The following ZBTB20 variants were observed in gnomAD, a reference collection of about 807,000 sequenced individuals.
ZBTB20 encodes the protein zinc finger and BTB domain containing 20.
In ZBTB20, 9 loss-of-function variants were observed where a neutral mutation model predicts 56.9. That is an observed-to-expected ratio of 0.16 (90% CI 0.10 to 0.28). The LOEUF (loss-of-function observed/expected upper bound fraction) is 0.28. Ranked by LOEUF, ZBTB20 falls within the 10% of genes least tolerant of loss-of-function variation. The pLI is 1.00. For synonymous variants in ZBTB20, 417 were observed against 420.7 expected (o/e 0.99, Z 0.11); for missense variants, 655 against 1,003.0 (o/e 0.65, Z 4.69).
intron 6 of ZBTB20, among the ~76,000 whole-genome samples, chr3:114,640,490 T>C (rs2059502272): frequency 6.6e-6 from 1 of 152,086 alleles, no homozygotes. Context: ...TGCTGGACTT[T>C]TTCATTCAAA....
intron 4 of ZBTB20, among the ~76,000 whole-genome samples, chr3:114,868,372 T>A (rs1369437359): frequency 1.3e-5 from 2 of 152,196 alleles, no homozygotes; most frequent in East Asian, 3.8e-4. Flanking sequence ...ACTCTTAGTC[T>A]GCCTTCATGT....
rs1179211153 is a variant in ZBTB20, at chr3:115,008,932, A to G, written c.-506-34516T>C. Among the ~76,000 whole-genome samples, 7 of 152,048 alleles carry G rather than the reference A, an allele frequency of 4.6e-5. 1 individual carries two copies. In the South Asian group the frequency reaches 1.0e-3, roughly 22 times the overall value. ...CTCCCACCAATCCTGTATATTTCCT[A>G]TATGCTCACAAACCATGAATATTAT... On this transcript the variant is annotated intron_variant, in intron 2 of 11. Coordinates refer to ENST00000675478, the MANE Select transcript of ZBTB20 (RefSeq NM_001348800.3).
rs1454995543 is a variant in ZBTB20, at chr3:114,747,669, A to G, written c.-343+53432T>C. On this transcript the variant is annotated intron_variant, in intron 5 of 11. Transcript: ENST00000675478. ...CGCGGTGGCTCACGCCTGTAATCCC[A>G]GCACTTTGGGAGGCCGAGGCGGGCG... Among the ~76,000 whole-genome samples, 18 of 2,236 alleles carry G rather than the reference A, an allele frequency of 8.1e-3. 6 individuals are homozygous for G. The highest frequency in any genetic ancestry group is 8.2e-3 in the African/African-American group (18 of 2,200). 1.5% of individuals were successfully genotyped at this position (2,236 alleles called of 152,430 possible).
At chr3:114,884,414 T>C (rs879438364) in intron 4 of ZBTB20, among the ~76,000 whole-genome samples, 1 of 152,206 alleles carries the variant, frequency 6.6e-6, no homozygotes, top group African/African-American at 2.4e-5. Flanking sequence ...GACGGCCTAC[T>C]TCCTTGTGCA....
At chr3:114,692,419 A>C (rs1005609620) in intron 6 of ZBTB20, among the ~76,000 whole-genome samples, 1 of 152,174 alleles carries the variant, frequency 6.6e-6, no homozygotes, top group African/African-American at 2.4e-5. Flanking sequence ...ATTATGCACA[A>C]TGGATATGGA....
In ZBTB20 at chr3:114,929,108, A is replaced by G. The variant is rs2076262539; in HGVS notation, c.-455-28766T>C. Among the ~76,000 whole-genome samples the G allele has an allele frequency of 2.6e-5, 4 of 152,236 alleles. No homozygotes were observed. In the South Asian group the frequency reaches 8.3e-4, roughly 32 times the overall value. ...TGCATTGCAGGAAGAGGTAAGTACT[A>G]TGATAGAGGGACACAGAAAGTCCTG... is the stretch of plus-strand genomic sequence containing the variant. On this transcript the variant is annotated intron_variant, in intron 3 of 11. Transcript: ENST00000675478.
intron 2 of ZBTB20, among the ~76,000 whole-genome samples, chr3:115,056,647 C>G (rs1414656919): frequency 6.6e-6 from 1 of 152,090 alleles, no homozygotes; most frequent in Non-Finnish European, 1.5e-5. Flanking sequence ...CCGAACTATA[C>G]TAATGATTGC....
rs549682952 is a variant in ZBTB20, at chr3:115,074,649, A to G, written c.-702-3235T>C. Among the ~76,000 whole-genome samples, 20 of 152,312 alleles carry G rather than the reference A, an allele frequency of 1.3e-4. No individual in the cohort carries two copies. The South Asian group carries it at 1.9e-3, about 14-fold the overall frequency. Reference sequence around the variant, plus strand: ...AATATTTGCTTGCAGACATTGCACAACAGGCACAGCACAGCAATTGCTGAG... The same window carrying G: ...AATATTTGCTTGCAGACATTGCACAGCAGGCACAGCACAGCAATTGCTGAG... On this transcript the variant is annotated intron_variant, in intron 1 of 11. Coordinates refer to ENST00000675478, the MANE Select transcript of ZBTB20 (RefSeq NM_001348800.3).
chr3:115,006,486 T>C (rs1237122962), intron 2 of ZBTB20, among the ~76,000 whole-genome samples: 1 of 151,092 alleles, frequency 6.6e-6, no homozygotes, highest in African/African-American at 2.4e-5. Context: ...TATATAACCA[T>C]TTGTCCTTAG....
At chr3:114,876,338 T>A (rs757744865) in intron 4 of ZBTB20, 2 of 152,042 alleles carry the variant, frequency 1.3e-5, no homozygotes, top group Non-Finnish European at 2.9e-5. Flanking sequence ...TGCATCCTCA[T>A]ACTCAGCAGG....
chr3:114,517,279 T>A (rs2046110979), intron 6 of ZBTB20, among the ~76,000 whole-genome samples: 1 of 152,224 alleles, frequency 6.6e-6, no homozygotes. Context: ...CTCCACCTTG[T>A]ATAGTTTAAA....
chr3:114,822,762 A>T (rs1181909433), intron 4 of ZBTB20, among the ~76,000 whole-genome samples: 2 of 152,108 alleles, frequency 1.3e-5, no homozygotes, highest in Non-Finnish European at 2.9e-5. Context: ...CATAGTAAGC[A>T]TTTACTAAAT....
rs1045573095 is a variant in ZBTB20 at position 114,945,366 on chromosome 3, C to T, written c.-456+29000G>A. 4.9e-5 allele frequency among the ~76,000 whole-genome samples: 7 copies of T among 144,030 alleles called. 1 individual carries two copies. The highest frequency in any genetic ancestry group is 8.6e-5 in the African/African-American group (3 of 35,066). 94.5% of individuals were successfully genotyped at this position (144,030 alleles called of 152,430 possible). On this transcript the variant is annotated intron_variant, in intron 3 of 11. Coordinates refer to ENST00000675478, the MANE Select transcript of ZBTB20 (RefSeq NM_001348800.3). The stretch of plus-strand genomic sequence containing the variant: ...AAAGTACACAGACAAGATTAGTATG[C>T]GTATAAGTATAGAAAAATAATAAAA...
chr3:114,701,050 C>G (rs542873155), intron 5 of ZBTB20, among the ~76,000 whole-genome samples: 1 of 152,268 alleles, frequency 6.6e-6, no homozygotes, highest in Admixed American at 6.5e-5. Flanking sequence ...TGAGCTTAAT[C>G]TAGAGTGAGC....
chr3:114,959,199 C>T (rs1385409414), intron 3 of ZBTB20, among the ~76,000 whole-genome samples: 1 of 152,096 alleles, frequency 6.6e-6, no homozygotes, highest in East Asian at 1.9e-4. Context: ...CAGAATACCA[C>T]ACAGGTTGTA....
intron 6 of ZBTB20, among the ~76,000 whole-genome samples, chr3:114,537,432 T>C (rs1261975351): frequency 6.6e-6 from 1 of 152,116 alleles, no homozygotes; most frequent in Non-Finnish European, 1.5e-5. Flanking sequence ...AAAATCACAA[T>C]GAGATACCAT....
chr3:114,668,753 G>A (rs780693489), intron 6 of ZBTB20, among the ~76,000 whole-genome samples: 15 of 151,966 alleles, frequency 9.9e-5, no homozygotes, highest in African/African-American at 3.1e-4. Flanking sequence ...TAGTAATAAC[G>A]AGACCAATAA....
intron 7 of ZBTB20, among the ~76,000 whole-genome samples, chr3:114,421,138 C>T (rs980785801): frequency 1.3e-4 from 19 of 151,986 alleles, no homozygotes; most frequent in Non-Finnish European, 8.8e-5. Flanking sequence ...TTTCTTAGAC[C>T]TTTATGTCCA....
At chr3:114,501,560 A>T (rs559774456) in intron 6 of ZBTB20, among the ~76,000 whole-genome samples, 8 of 143,262 alleles carry the variant, frequency 5.6e-5, no homozygotes, top group Admixed American at 1.4e-4. Context: ...TGGGAGGCGG[A>T]GGTTGCAGTG....
Sources: gnomAD v4.1 joint callset for allele counts (sites outside exome capture counted in the v4.1 genomes callset) on GRCh38, gnomAD v4.1.1 for gene constraint, MANE v1.5 for transcripts, NCBI Gene and HGNC (gene_info 2026-07-23, HGNC 2026-07-21) for gene names.